The following BANP variants were observed in gnomAD, a reference collection of about 807,000 sequenced individuals.
BANP encodes the protein protein BANP.
BANP carries 11 observed loss-of-function variants against 68.1 expected under a neutral mutation model. That is an observed-to-expected ratio of 0.16 (90% confidence interval 0.10 to 0.27). The LOEUF (loss-of-function observed/expected upper bound fraction) is 0.27, where lower values mean the gene tolerates loss of function less well. Among genes scored for constraint, BANP ranks in the 10% least tolerant of loss-of-function variants. The pLI, the probability that BANP is intolerant of heterozygous loss-of-function variation, is 1.00. For missense variants in BANP, 504 were observed against 722.7 expected, an observed-to-expected ratio of 0.70 and a Z score of 3.47; for synonymous variants, 329 against 303.2, an observed-to-expected ratio of 1.09 and a Z score of -0.88.
chr16:87,989,587 G>T (rs1389553183), intron 4 of BANP, among the ~76,000 whole-genome samples: 1 of 148,392 alleles, frequency 6.7e-6, no homozygotes, highest in Admixed American at 6.7e-5. Flanking sequence ...AGGACACAGG[G>T]CGGGTGACGG....
chr16:88,064,683 C>T lies in BANP; in HGVS notation c.1312-584C>T, dbSNP rs1454344147. Among the ~76,000 whole-genome samples the T allele has an allele frequency of 2.0e-5, 3 of 152,252 alleles. No individual in the cohort carries two copies. Among genetic ancestry groups the T allele is most frequent in the African/African-American group, 7.2e-5 (3 of 41,474 alleles). On this transcript the variant is annotated intron_variant, in intron 11 of 13. Transcript: ENST00000682872. This position sits in a 1 kb window ranked among gnomAD's most constrained non-coding sequence, Gnocchi z 4.5. ...AAAAAACAACAACGCTTTTGCCAGA[C>T]ACAAGAGGCTCCTGTGGAGCTCTCA...
intron 7 of BANP, among the ~76,000 whole-genome samples, chr16:88,019,578 T>TGTGGGGGGG (rs1257329356): frequency 9.5e-5 from 1 of 10,582 alleles, no homozygotes; most frequent in African/African-American, 2.6e-4. Flanking sequence ...GGGCGGGGCG[T>TGTGGGGGGG]CCGGGATCTC....
Position 87,969,241 on chromosome 16 carries a change from TGTTG to T in BANP, c.-68-5806_-68-5803del, listed in dbSNP as rs564566959. ...ATGCCTTACGTTGTTTTGTTGTTGT[TGTTG>T]TTGTTGTTGTTGTTTGTATGTAGGT... is the stretch of plus-strand genomic sequence containing the variant. On this transcript the variant is annotated intron_variant, in intron 1 of 13. Coordinates refer to ENST00000682872, the MANE Select transcript of BANP (RefSeq NM_001386991.1). Among the ~76,000 whole-genome samples the T allele has an allele frequency of 5.0e-4, 76 of 152,100 alleles. 1 individual carries two copies. The East Asian group carries it at 0.012, about 25-fold the overall frequency.
At chr16:87,963,931 C>G (rs867179480) in intron 1 of BANP, among the ~76,000 whole-genome samples, 1 of 152,146 alleles carries the variant, frequency 6.6e-6, no homozygotes, top group Non-Finnish European at 1.5e-5. Flanking sequence ...TTATGGGTGT[C>G]CAATATTTTT....
intron 1 of BANP, chr16:87,956,786 T>C (rs2058132235): frequency 6.6e-6 from 1 of 152,162 alleles, no homozygotes; most frequent in Non-Finnish European, 1.5e-5. Context: ...GACTCCACTC[T>C]GGCCCCCCCT....
At chr16:88,030,544 T>C (rs1417303892) in intron 8 of BANP, among the ~76,000 whole-genome samples, 1 of 152,242 alleles carries the variant, frequency 6.6e-6, no homozygotes, top group African/African-American at 2.4e-5. Context: ...AAGAAGCTGC[T>C]GTTATATAAC....
chr16:88,011,372 G>A (rs942887803), intron 6 of BANP, among the ~76,000 whole-genome samples: 2 of 152,124 alleles, frequency 1.3e-5, no homozygotes, highest in Non-Finnish European at 2.9e-5. Context: ...GGTGCTAGAG[G>A]CGCTCAGCTC....
intron 13 of BANP, among the ~76,000 whole-genome samples, chr16:88,076,372 C>G (rs1048533533): frequency 2.6e-5 from 4 of 152,172 alleles, no homozygotes; most frequent in Non-Finnish European, 4.4e-5. Flanking sequence ...CTGGGTGTGC[C>G]GGAGCCTCCC....
At chr16:88,001,348 A>C (rs2069266156) in intron 4 of BANP, among the ~76,000 whole-genome samples, 1 of 151,434 alleles carries the variant, frequency 6.6e-6, no homozygotes, top group South Asian at 2.1e-4. Flanking sequence ...ACACGTCTCC[A>C]TGCACGCACG....
At chr16:88,053,521 ACAAC>A (rs2083919166) in intron 11 of BANP, among the ~76,000 whole-genome samples, 3 of 147,444 alleles carry the variant, frequency 2.0e-5, no homozygotes, top group African/African-American at 7.9e-5. Flanking sequence ...CATCACCAGC[ACAAC>A]CACAACCACC....
intron 5 of BANP, among the ~76,000 whole-genome samples, chr16:88,005,774 C>G (rs1315648048): frequency 6.6e-6 from 1 of 152,242 alleles, no homozygotes; most frequent in African/African-American, 2.4e-5. Flanking sequence ...AGACTCTTAC[C>G]AGCATTTTAT....
At chr16:87,958,636 A>C (rs73240752) in intron 1 of BANP, among the ~76,000 whole-genome samples, 4,028 of 152,308 alleles carry the variant, frequency 0.026, 179 homozygotes, top group African/African-American at 0.09. Context: ...TGGAGGCTGC[A>C]GGGCTGCAGT....
At position 88,002,414 on chromosome 16, in the gene BANP, G is replaced by A. The variant is rs116063946; in HGVS notation, c.363-1881G>A. Among the ~76,000 whole-genome samples, 510 of 152,292 alleles carry A rather than the reference G, an allele frequency of 3.3e-3. 2 individuals are homozygous for A. The highest frequency in any genetic ancestry group is 0.012 in the African/African-American group (478 of 41,560). ...CGTGCTGGTGTTCAGGTGGCCCTGC[G>A]CTGGCTCCTGGGGTCTGTGCCCTAG... On this transcript the variant is annotated intron_variant, in intron 4 of 13. Coordinates refer to ENST00000682872, the MANE Select transcript of BANP (RefSeq NM_001386991.1). The surrounding 1 kb of genome is among the most constrained non-coding windows in gnomAD (Gnocchi z 4.6).
rs1189011960 is a variant in BANP, at chr16:88,003,461, G to A, written c.363-834G>A. The A allele has an allele frequency of 2.2e-6, 1 of 456,288 alleles. No individual in the cohort carries two copies. The highest frequency in any genetic ancestry group is 2.0e-5 in the African/African-American group (1 of 50,188). The allele number at this position is 456,288 out of a possible 1,614,324, so 28.3% of individuals were successfully genotyped here. On this transcript the variant is annotated intron_variant, in intron 4 of 13. Transcript: ENST00000682872. The surrounding 1 kb of genome is among the most constrained non-coding windows in gnomAD (Gnocchi z 6.1). ...GTGATAATCACGTTGTGTTTCTAGT[G>A]CTAGTTCTTTCTCTCCCCAGCCTTC...
At position 88,071,939 on chromosome 16, in the gene BANP, T is replaced by A; in HGVS notation, c.1378-130T>A. ...TGCCGCAGAGTCCTCGGTGTGGCCC[T>A]GAGGCCGTGTCCCTGCCGCTCAGGG... is the stretch of plus-strand genomic sequence containing the variant. On this transcript the variant is annotated intron_variant, in intron 12 of 13. Transcript: ENST00000682872. The surrounding 1 kb of genome is among the most constrained non-coding windows in gnomAD (Gnocchi z 6.5). The A allele has an allele frequency of 2.4e-6, 3 of 1,251,042 alleles. No individual in the cohort carries two copies. The highest frequency in any genetic ancestry group is 2.2e-6 in the Non-Finnish European group (2 of 890,332). The allele number at this position is 1,251,042 out of a possible 1,614,324, so 77.5% of individuals were successfully genotyped here. A position where few individuals can be genotyped will look rare whatever the true frequency, so the allele number is the denominator to read the frequency against.
intron 7 of BANP, among the ~76,000 whole-genome samples, chr16:88,023,936 G>T (rs956218302): frequency 3.9e-5 from 6 of 152,254 alleles, no homozygotes; most frequent in African/African-American, 1.4e-4. Context: ...GATATGGCTG[G>T]GGAAAGCAGG....
intron 1 of BANP, among the ~76,000 whole-genome samples, chr16:87,962,362 G>C (rs1295505487): frequency 6.6e-6 from 1 of 151,350 alleles, no homozygotes; most frequent in Non-Finnish European, 1.5e-5. Flanking sequence ...GTGTTAATTT[G>C]TATGATTTTT....
At chr16:88,015,991 T>A (rs569565594) in intron 6 of BANP, among the ~76,000 whole-genome samples, 1 of 152,166 alleles carries the variant, frequency 6.6e-6, no homozygotes, top group African/African-American at 2.4e-5. Flanking sequence ...GACCTTGCAG[T>A]GGGACAGTTC....
chr16:88,065,270 C>G lies in BANP; in HGVS notation c.1315C>G (p.Leu439Val). ...TTCGTTTTCTTGCCTTTTCCAGCTT[C>G]TAGAGGCCACCCGCATCCCCTGCCT... is the stretch of plus-strand genomic sequence containing the variant. ...IHHVGQDGQL[L>V]EATRIPCLLA... The change falls in exon 12 of 14, where the codon CTA becomes GTA. Residue 439 changes from leucine (L) to valine (V), a missense_variant. Leu to Val is a conservative substitution (Grantham distance 32). Coordinates refer to ENST00000682872, the MANE Select transcript of BANP (RefSeq NM_001386991.1). 2.6e-6 allele frequency: 2 copies of G among 762,000 alleles called. No homozygotes were observed. Among genetic ancestry groups the G allele is most frequent in the Non-Finnish European group, 2.4e-6 (1 of 415,314 alleles). 47.2% of individuals were successfully genotyped at this position (762,000 alleles called of 1,614,324 possible).
Sources: allele counts gnomAD v4.1 joint callset (sites outside exome capture counted in the v4.1 genomes callset), GRCh38; gene constraint gnomAD v4.1.1; non-coding constraint Gnocchi (gnomAD v3.1); transcripts MANE v1.5; gene names NCBI Gene and HGNC (gene_info 2026-07-23, HGNC 2026-07-21).